HDGFL3: variants seen among roughly 807,000 people sequenced by gnomAD.
The protein encoded by HDGFL3 is hepatoma-derived growth factor-related protein 3.
A neutral mutation model predicts 27.6 loss-of-function variants in HDGFL3; 6 were observed. The observed-to-expected ratio is 0.22, with a 90% CI of 0.12 to 0.43. The LOEUF (loss-of-function observed/expected upper bound fraction) is 0.43. Ranked by LOEUF, HDGFL3 falls within the 20% of genes least tolerant of loss-of-function variation. The pLI is 1.00. For missense variants in HDGFL3, 207 were observed against 250.1 expected (o/e 0.83, Z 1.16); for synonymous variants, 88 against 88.9 (o/e 0.99, Z 0.05).
At position 83,130,154 on chromosome 15, in the gene HDGFL3, C is replaced by T. The variant is rs573603916; in HGVS notation, c.*9116G>A. 1 of 152,380 alleles carries T rather than the reference C, an allele frequency of 6.6e-6. No homozygotes were observed. The highest frequency in any genetic ancestry group is 1.9e-4 in the East Asian group (1 of 5,186). The allele number at this position is 152,380 out of a possible 1,614,324, so 9.4% of individuals were successfully genotyped here. The stretch of plus-strand genomic sequence containing the variant: ...GACCAGATGTTGGACCTGGTCAAGT[C>T]TCAGGAGACAAATGGAAACAGCAGG... On this transcript the variant is annotated 3_prime_UTR_variant, in exon 6 of 6. Transcript: ENST00000299633.
chr15:83,200,953 A>C (rs1363001785), intron 1 of HDGFL3, among the ~76,000 whole-genome samples: 1 of 151,782 alleles, frequency 6.6e-6, no homozygotes. Flanking sequence ...TCTAGGTAAA[A>C]AGAAGACAGA....
intron 5 of HDGFL3, chr15:83,144,842 C>G: frequency 3.3e-6 from 1 of 302,014 alleles, no homozygotes; most frequent in Non-Finnish European, 6.5e-6. Flanking sequence ...ATAATAAATG[C>G]TGCTTTAAGT....
chr15:83,195,857 G>C (rs890059953), intron 1 of HDGFL3, among the ~76,000 whole-genome samples: 1 of 151,924 alleles, frequency 6.6e-6, no homozygotes, highest in Non-Finnish European at 1.5e-5. Flanking sequence ...GAAAAGTTTT[G>C]AGTAAAATTC....
rs376984948 is a variant in HDGFL3, at chr15:83,148,224, C to T, written c.606+2991G>A. Among the ~76,000 whole-genome samples the T allele has an allele frequency of 1.2e-4, 18 of 152,284 alleles. No individual in the cohort carries two copies. The South Asian group carries it at 2.5e-3, about 21-fold the overall frequency. On this transcript the variant is annotated intron_variant, in intron 5 of 5. Coordinates refer to ENST00000299633, the MANE Select transcript of HDGFL3 (RefSeq NM_016073.4). ...TGTAAAGTTAAAATCCATCAACTCA[C>T]GGCTCAGTATTTTCAGTTCTAGTTA...
At chr15:83,177,721 T>A (rs538376998) in intron 1 of HDGFL3, among the ~76,000 whole-genome samples, 3 of 152,328 alleles carry the variant, frequency 2.0e-5, no homozygotes, top group East Asian at 1.9e-4. Flanking sequence ...AATTTTTATA[T>A]GTTATGTAGT....
intron 1 of HDGFL3, chr15:83,169,369 C>T (rs1021781022): frequency 4.3e-5 from 8 of 187,646 alleles, no homozygotes; most frequent in East Asian, 2.2e-4. Context: ...GAGCCGAGAT[C>T]GCGCCACTGC....
At chr15:83,112,995 AG>A in exon 4 of HDGFL3, 1 of 1,071,200 alleles carries the variant, frequency 9.3e-7, no homozygotes, top group South Asian at 1.3e-5. Context: ...GAATACTCTG[AG>A]CCCTTTGGTA....
chr15:83,160,232 G>T (rs1309976815), intron 2 of HDGFL3, among the ~76,000 whole-genome samples: 1 of 152,020 alleles, frequency 6.6e-6, no homozygotes, highest in Non-Finnish European at 1.5e-5. Context: ...TTGTCGCCAG[G>T]CTGGAGTGCA....
chr15:83,175,139 A>T (rs1446738716), intron 1 of HDGFL3, among the ~76,000 whole-genome samples: 1 of 152,194 alleles, frequency 6.6e-6, no homozygotes, highest in Non-Finnish European at 1.5e-5. Context: ...CAAGTTTGTC[A>T]CACTCTCTAC....
At chr15:83,145,851 T>C (rs2151395614) in intron 5 of HDGFL3, among the ~76,000 whole-genome samples, 2 of 150,056 alleles carry the variant, frequency 1.3e-5, no homozygotes, top group Middle Eastern at 3.4e-3. Context: ...GCTCCCATGG[T>C]TTGTTCTTTC....
At chr15:83,178,392 A>AT (rs1567173740) in intron 1 of HDGFL3, among the ~76,000 whole-genome samples, 1 of 152,222 alleles carries the variant, frequency 6.6e-6, no homozygotes, top group East Asian at 1.9e-4. Context: ...TTTCACTAGA[A>AT]TAACCTCCTG....
At position 83,129,536 on chromosome 15, in the gene HDGFL3, C is replaced by T. The variant is rs761907920; in HGVS notation, c.*9734G>A. 3 of 152,150 alleles carry T rather than the reference C, an allele frequency of 2.0e-5. No homozygotes were observed. Among genetic ancestry groups the T allele is most frequent in the African/African-American group, 4.8e-5 (2 of 41,420 alleles). 9.4% of individuals were successfully genotyped at this position (152,150 alleles called of 1,614,324 possible). ...ATGAGGAGGCTGAGGCTCAGTCCAC[C>T]TGAAATTATTTGCCTAAGATTACAG... On this transcript the variant is annotated 3_prime_UTR_variant, in exon 6 of 6. Transcript: ENST00000299633.
At chr15:83,159,440 T>C (rs951298511) in intron 2 of HDGFL3, among the ~76,000 whole-genome samples, 1 of 152,202 alleles carries the variant, frequency 6.6e-6, no homozygotes, top group East Asian at 1.9e-4. Context: ...CCAGGCACTA[T>C]TCCAGAGGAG....
At chr15:83,123,492 C>A (rs1212306227), downstream of HDGFL3, among the ~76,000 whole-genome samples, 3 of 152,304 alleles carry the variant, frequency 2.0e-5, no homozygotes, top group Middle Eastern at 3.4e-3. Flanking sequence ...GGTATTAGAT[C>A]ATTTAGCAAG....
intron 5 of HDGFL3, among the ~76,000 whole-genome samples, chr15:83,148,418 G>A (rs1468224990): frequency 6.6e-6 from 1 of 151,940 alleles, no homozygotes; most frequent in Non-Finnish European, 1.5e-5. Context: ...TCAGGAGATC[G>A]AGACCACCCT....
At chr15:83,187,179 G>C (rs1359476720) in intron 1 of HDGFL3, among the ~76,000 whole-genome samples, 2 of 148,760 alleles carry the variant, frequency 1.3e-5, no homozygotes, top group African/African-American at 5.0e-5. Flanking sequence ...TTTTTAAACA[G>C]AGACATTGTT....
intron 2 of HDGFL3, among the ~76,000 whole-genome samples, chr15:83,163,045 G>A (rs2037120384): frequency 6.6e-6 from 1 of 152,070 alleles, no homozygotes. Context: ...AGCTTCCCTT[G>A]TAGCTAGATG....
intron 1 of HDGFL3, among the ~76,000 whole-genome samples, chr15:83,166,353 A>G (rs2037171644): frequency 6.6e-6 from 1 of 152,242 alleles, no homozygotes; most frequent in African/African-American, 2.4e-5. Flanking sequence ...ATCCTGCCAA[A>G]CTAAATTTCA....
intron 1 of HDGFL3, among the ~76,000 whole-genome samples, chr15:83,187,896 A>C (rs890988317): frequency 2.3e-4 from 35 of 151,900 alleles, no homozygotes; most frequent in African/African-American, 8.2e-4. Flanking sequence ...TCAAAAAAAA[A>C]AAAAAAAAAA....
Sources: allele counts gnomAD v4.1 joint callset (sites outside exome capture counted in the v4.1 genomes callset), GRCh38; gene constraint gnomAD v4.1.1; transcripts MANE v1.5; gene names NCBI Gene and HGNC (gene_info 2026-07-23, HGNC 2026-07-21).